PRIM2: variants seen among roughly 807,000 people sequenced by gnomAD.
PRIM2 encodes DNA primase large subunit.
PRIM2 carries 39 observed loss-of-function variants against 67.3 expected under a neutral mutation model. The observed-to-expected ratio is 0.58, with a 90% CI of 0.45 to 0.76. The LOEUF (loss-of-function observed/expected upper bound fraction) is 0.76, where lower values mean the gene tolerates loss of function less well. PRIM2 is among the 30% of genes least tolerant of loss of function. The pLI is 0.00. For synonymous variants in PRIM2, 143 were observed against 198.7 expected, an observed-to-expected ratio of 0.72 and a Z score of 2.36; for missense variants, 398 against 598.7, an observed-to-expected ratio of 0.66 and a Z score of 3.50.
chr6:57,615,481 A>G (rs1254500169), intron 12 of PRIM2, among the ~76,000 whole-genome samples: 3 of 151,836 alleles, frequency 2.0e-5, no homozygotes, highest in African/African-American at 2.4e-5. Context: ...AAAATCTCTC[A>G]TTGGCTTTAA....
intron 5 of PRIM2, among the ~76,000 whole-genome samples, chr6:57,332,370 C>G (rs191387471): frequency 6.6e-6 from 1 of 152,150 alleles, no homozygotes; most frequent in African/African-American, 2.4e-5. Context: ...TCTGTAGATA[C>G]AGTCTGTAAG....
At chr6:57,496,031 C>T in intron 7 of PRIM2, among the ~76,000 whole-genome samples, 1 of 152,200 alleles carries the variant, frequency 6.6e-6, no homozygotes, top group Non-Finnish European at 1.5e-5. Context: ...CAGACTTGAG[C>T]CACTGCGCCC....
chr6:57,573,541 G>A (rs1433205479), intron 10 of PRIM2, among the ~76,000 whole-genome samples: 1 of 151,884 alleles, frequency 6.6e-6, no homozygotes, highest in Non-Finnish European at 1.5e-5. Context: ...TTTATGACAT[G>A]ATAAACCAAA....
chr6:57,489,899 A>C, intron 7 of PRIM2, among the ~76,000 whole-genome samples: 1 of 151,824 alleles, frequency 6.6e-6, no homozygotes, highest in Non-Finnish European at 1.5e-5. Context: ...CTGAGGCATC[A>C]ATCAGGAGAA....
chr6:57,232,467 A>G, the PRIM2 span, among the ~76,000 whole-genome samples: 2 of 152,110 alleles, frequency 1.3e-5, no homozygotes, highest in African/African-American at 4.8e-5. Context: ...CAGGAGAATC[A>G]CTTGAACTGA....
intron 8 of PRIM2, among the ~76,000 whole-genome samples, chr6:57,531,163 T>C (rs1318852230): frequency 1.3e-5 from 2 of 152,172 alleles, no homozygotes; most frequent in Non-Finnish European, 2.9e-5. Flanking sequence ...GTTTGTTTGT[T>C]TGTTTTTTTG....
intron 7 of PRIM2, among the ~76,000 whole-genome samples, chr6:57,414,856 A>G (rs145038451): frequency 6.6e-6 from 1 of 152,190 alleles, no homozygotes; most frequent in South Asian, 2.1e-4. Flanking sequence ...ATTTTCCCAT[A>G]TATTTATTTC....
Position 57,428,584 on chromosome 6 carries a change from GTGTT to G in PRIM2, c.693+46419_693+46422del, listed in dbSNP as rs1437327633. ...ACAAGTACTGTGGTGTGGGACATGA[GTGTT>G]TGGGTTAGGGGACAACCTGATAATA... On this transcript the variant is annotated intron_variant, in intron 7 of 13. Transcript: ENST00000615550. Among the ~76,000 whole-genome samples, 13 of 152,188 alleles carry G rather than the reference GTGTT, an allele frequency of 8.5e-5. No homozygotes were observed. In the East Asian group the frequency reaches 1.9e-3, roughly 23 times the overall value.
chr6:57,615,537 A>T (rs1192266479), intron 12 of PRIM2, among the ~76,000 whole-genome samples: 1 of 152,186 alleles, frequency 6.6e-6, no homozygotes, highest in Non-Finnish European at 1.5e-5. Context: ...GGAAAGATGC[A>T]TATGAAATTT....
the PRIM2 span, among the ~76,000 whole-genome samples, chr6:57,235,558 G>A: frequency 3.9e-5 from 6 of 152,140 alleles, no homozygotes; most frequent in African/African-American, 1.4e-4. Flanking sequence ...TGTCACTTTA[G>A]CATCTGTGAT....
intron 7 of PRIM2, among the ~76,000 whole-genome samples, chr6:57,457,482 C>A (rs1392409115): frequency 6.6e-6 from 1 of 152,166 alleles, no homozygotes; most frequent in Non-Finnish European, 1.5e-5. Flanking sequence ...CAAGCCTTGG[C>A]AATGGCGGGC....
At chr6:57,377,003 A>AATT (rs1769788359) in intron 5 of PRIM2, among the ~76,000 whole-genome samples, 1 of 151,306 alleles carries the variant, frequency 6.6e-6, no homozygotes, top group Non-Finnish European at 1.5e-5. Flanking sequence ...CACCCTCCTG[A>AATT]GTAGCTGGGA....
chr6:57,353,026 G>C (rs1768906607), intron 5 of PRIM2, among the ~76,000 whole-genome samples: 1 of 151,086 alleles, frequency 6.6e-6, no homozygotes, highest in Non-Finnish European at 1.5e-5. Flanking sequence ...ATATTTTAAA[G>C]GTAATGAGAA....
At chr6:57,344,233 TTAATGTC>T (rs1297343702) in intron 5 of PRIM2, among the ~76,000 whole-genome samples, 62 of 151,760 alleles carry the variant, frequency 4.1e-4, no homozygotes, top group Non-Finnish European at 7.4e-4. Context: ...GAGTGAATGT[TTAATGTC>T]TAGAGAAAAT....
chr6:57,605,015 T>C (rs1308271633), intron 11 of PRIM2, among the ~76,000 whole-genome samples: 11 of 152,324 alleles, frequency 7.2e-5, no homozygotes, highest in African/African-American at 2.6e-4. Context: ...ATTGAAAGTT[T>C]TTTCTATTGA....
At chr6:57,275,210 A>T in the PRIM2 span, among the ~76,000 whole-genome samples, 2 of 152,280 alleles carry the variant, frequency 1.3e-5, no homozygotes, top group African/African-American at 2.4e-5. Flanking sequence ...GCAAGACTAG[A>T]GTTAAAAGTA....
At chr6:57,426,396 ATTTG>A (rs1365841273) in intron 7 of PRIM2, among the ~76,000 whole-genome samples, 1 of 152,142 alleles carries the variant, frequency 6.6e-6, no homozygotes, top group Non-Finnish European at 1.5e-5. Flanking sequence ...GTGTGTCATT[ATTTG>A]TTCTGTTTTA....
At chr6:57,379,876 A>G in intron 5 of PRIM2, 25 bp from the exon 6 acceptor site, 1 of 1,525,414 alleles carries the variant, frequency 6.6e-7, no homozygotes. Flanking sequence ...AAATTTTTGT[A>G]ACAGCTTAAA....
chr6:57,410,087 G>C (rs532233250), intron 7 of PRIM2, among the ~76,000 whole-genome samples: 69 of 152,198 alleles, frequency 4.5e-4, no homozygotes, highest in African/African-American at 1.7e-3. Context: ...GGGAGCCCCA[G>C]GTGGGTGGAT....
Sources: allele counts gnomAD v4.1 joint callset (sites outside exome capture counted in the v4.1 genomes callset), GRCh38; gene constraint gnomAD v4.1.1; transcripts MANE v1.5; gene names NCBI Gene and HGNC (gene_info 2026-07-23, HGNC 2026-07-21).